Variants in NAXD observed in about 807,000 individuals in gnomAD.
NAXD encodes ATP-dependent (S)-NAD(P)H-hydrate dehydratase.
Under a neutral mutation model 35.8 loss-of-function variants are expected in NAXD, and 22 were observed. The observed-to-expected ratio is 0.62, with a 90% CI of 0.44 to 0.88. The LOEUF is 0.88. Ranked by LOEUF, NAXD falls within the 40% of genes least tolerant of loss-of-function variation. NAXD has a pLI of 0.00. For synonymous variants in NAXD, 189 were observed against 177.6 expected (o/e 1.06, Z -0.51); for missense variants, 428 against 437.7 (o/e 0.98, Z 0.20).
In NAXD at chr13:110,639,835, A is replaced by AT. The variant is rs1019470921; in HGVS notation, c.*1309dup. 2 of 152,266 alleles carry AT rather than the reference A, an allele frequency of 1.3e-5. No individual in the cohort carries two copies. The highest frequency in any genetic ancestry group is 4.8e-5 in the African/African-American group (2 of 41,556). The allele number at this position is 152,266 out of a possible 1,614,324, so 9.4% of individuals were successfully genotyped here. A position where few individuals can be genotyped will look rare whatever the true frequency, so the allele number is the denominator to read the frequency against. ...TTCTTTAAAACTAGGGACTTTCAAG[A>AT]TTAAAAAAAAGATTGTCACTACTAA... On this transcript the variant is annotated 3_prime_UTR_variant, in exon 10 of 10. Transcript: ENST00000680254.
intron 5 of NAXD, among the ~76,000 whole-genome samples, chr13:110,633,630 TATC>T (rs1237605847): frequency 6.6e-6 from 1 of 152,210 alleles, no homozygotes; most frequent in Non-Finnish European, 1.5e-5. Context: ...TGTTTTGTAT[TATC>T]AGGTGTCTGT....
intron 1 of NAXD, among the ~76,000 whole-genome samples, chr13:110,620,578 C>CAAAAAAA: frequency 1.2e-5 from 1 of 84,910 alleles, no homozygotes; most frequent in Non-Finnish European, 2.7e-5. Flanking sequence ...GACTCTGTCT[C>CAAAAAAA]AAAAAAAAAA....
chr13:110,629,166 TA>T (rs11353904), intron 5 of NAXD, among the ~76,000 whole-genome samples: 17,301 of 152,222 alleles, frequency 0.11, 1,369 homozygotes, highest in Admixed American at 0.25. Context: ...TCATCTGGTG[TA>T]GGCCTGAAAA....
chr13:110,628,846 A>G lies in NAXD; in HGVS notation c.441+1299A>G, dbSNP rs1886598815. Reference sequence around the variant, plus strand: ...TGCATCCTGGGGGTGCGGATGAATTAGAGGTGAACGAGCCAGAGTGCTCTG... The same window carrying G: ...TGCATCCTGGGGGTGCGGATGAATTGGAGGTGAACGAGCCAGAGTGCTCTG... On this transcript the variant is annotated intron_variant, in intron 5 of 9. Transcript: ENST00000680254. This position sits in a 1 kb window ranked among gnomAD's most constrained non-coding sequence, Gnocchi z 4.1. 1.3e-5 allele frequency among the ~76,000 whole-genome samples: 2 copies of G among 152,180 alleles called. No individual in the cohort carries two copies. Among genetic ancestry groups the G allele is most frequent in the African/African-American group, 4.8e-5 (2 of 41,426 alleles).
intron 1 of NAXD, among the ~76,000 whole-genome samples, chr13:110,616,767 C>T (rs887458452): frequency 6.6e-6 from 1 of 152,120 alleles, no homozygotes; most frequent in Non-Finnish European, 1.5e-5. Flanking sequence ...AATAGAAGCT[C>T]AGAGAAAGTG....
Position 110,639,748 on chromosome 13 carries a change from G to A in NAXD, c.*1220G>A, listed in dbSNP as rs190780823. 6.6e-6 allele frequency: 1 copy of A among 152,080 alleles called. No homozygotes were observed. The highest frequency in any genetic ancestry group is 1.5e-5 in the Non-Finnish European group (1 of 67,996). 9.4% of individuals were successfully genotyped at this position (152,080 alleles called of 1,614,324 possible). A position where few individuals can be genotyped will look rare whatever the true frequency, so the allele number is the denominator to read the frequency against. On this transcript the variant is annotated 3_prime_UTR_variant, in exon 10 of 10. Coordinates refer to ENST00000680254, the MANE Select transcript of NAXD (RefSeq NM_001242882.2). Reference sequence around the variant, plus strand: ...TCCTGGTTCCCTTCAGAGTCTTTTTGGCCTGATGATGACTCTTGAGTGATA... The same window carrying A: ...TCCTGGTTCCCTTCAGAGTCTTTTTAGCCTGATGATGACTCTTGAGTGATA...
Position 110,624,230 on chromosome 13 carries a change from T to G in NAXD, c.198-4T>G. 6.2e-7 allele frequency: 1 copy of G among 1,600,300 alleles called. No individual in the cohort carries two copies. Among genetic ancestry groups the G allele is most frequent in the Non-Finnish European group, 8.6e-7 (1 of 1,169,040 alleles). ...GTTTTTGACTCTAAATACCTTCTTT[T>G]TAGGTACACTGGAGCCCCATATTTT... is the stretch of plus-strand genomic sequence containing the variant. On this transcript the variant is annotated splice_polypyrimidine_tract_variant and splice_region_variant and intron_variant, in intron 2 of 9. Transcript: ENST00000680254.
chr13:110,629,328 C>T (rs1050801377), intron 5 of NAXD, among the ~76,000 whole-genome samples: 3 of 152,208 alleles, frequency 2.0e-5, no homozygotes, highest in African/African-American at 7.2e-5. Flanking sequence ...GATTTACCTA[C>T]CATACCCCTC....
chr13:110,636,845 C>T (rs1009184378), intron 8 of NAXD, among the ~76,000 whole-genome samples: 15 of 152,328 alleles, frequency 9.8e-5, no homozygotes, highest in African/African-American at 7.2e-5. Flanking sequence ...TCGTCTGAGG[C>T]GGTTCCGAGC....
Position 110,635,475 on chromosome 13 carries a change from G to C in NAXD, c.605G>C (p.Gly202Ala). Reference sequence around the variant, plus strand: ...CTTCCTGTGTTGTCATAGCTCAGAGGCCCTATGGACAGCGATGACAGCCAT... The same window carrying C: ...CTTCCTGTGTTGTCATAGCTCAGAGCCCCTATGGACAGCGATGACAGCCAT... ...FSRLYDAVLR[G>A]PMDSDDSHGS... The change falls in exon 8 of 10, where the codon GGC becomes GCC. Residue 202 changes from glycine to alanine, a missense_variant. By Grantham distance (60) the Gly-to-Ala change is moderately conservative. This residue lies in a region of NAXD where 209 missense variants were observed against 214.6 expected (regional missense o/e 0.97). Transcript: ENST00000680254. 1 of 1,613,942 alleles carries C rather than the reference G, an allele frequency of 6.2e-7. No individual in the cohort carries two copies. The highest frequency in any genetic ancestry group is 8.5e-7 in the Non-Finnish European group (1 of 1,179,890).
intron 9 of NAXD, chr13:110,637,769 C>T (rs1886989388): frequency 4.3e-6 from 2 of 462,522 alleles, no homozygotes; most frequent in East Asian, 1.4e-4. Flanking sequence ...AAGGTGGTGG[C>T]TGCAGGTGCT....
In NAXD at chr13:110,633,632, T is replaced by A. The variant is rs532184366; in HGVS notation, c.442-913T>A. Among the ~76,000 whole-genome samples the A allele has an allele frequency of 2.0e-5, 3 of 152,352 alleles. No homozygotes were observed. The East Asian group carries it at 5.8e-4, about 29-fold the overall frequency. ...TTTTCTATTTTAATGTTTTGTATTA[T>A]CAGGTGTCTGTCAAGTCAGGATCAC... On this transcript the variant is annotated intron_variant, in intron 5 of 9. Transcript: ENST00000680254.
In NAXD at chr13:110,634,791, C is replaced by T. The variant is rs144676556; in HGVS notation, c.597+15C>T. On this transcript the variant is annotated intron_variant, in intron 7 of 9. Coordinates refer to ENST00000680254, the MANE Select transcript of NAXD (RefSeq NM_001242882.2). ...ATGACGCTGTGGTGAGTCAGTGGAC[C>T]CCCTGGAGGGTAGATGCAAGCCCTG... 2.5e-6 allele frequency: 4 copies of T among 1,593,186 alleles called. No individual in the cohort carries two copies. The highest frequency in any genetic ancestry group is 1.7e-5 in the Admixed American group (1 of 59,824).
At chr13:110,627,297 TAATA>T (rs1260017465) in intron 4 of NAXD, 138 bp from the exon 5 acceptor site, 15 of 649,052 alleles carry the variant, frequency 2.3e-5, no homozygotes, top group Admixed American at 5.6e-5. Context: ...ACTGATTAAA[TAATA>T]AATCTAAATT....
Position 110,638,534 on chromosome 13 carries a change from C to T in NAXD, c.*6C>T, listed in dbSNP as rs746146256. On this transcript the variant is annotated 3_prime_UTR_variant, in exon 10 of 10. Coordinates refer to ENST00000680254, the MANE Select transcript of NAXD (RefSeq NM_001242882.2). The surrounding 1 kb of genome is among the most constrained non-coding windows in gnomAD (Gnocchi z 5.4). ...GCAAGCTCTTTGAAACCTGAGCCCG[C>T]GCAGACCAGAAGTAAACAGGCACCT... The T allele has an allele frequency of 2.6e-5, 42 of 1,611,434 alleles. No individual in the cohort carries two copies. Among genetic ancestry groups the T allele is most frequent in the Non-Finnish European group, 3.1e-5 (36 of 1,179,052 alleles).
chr13:110,629,209 C>G (rs1886616411), intron 5 of NAXD, among the ~76,000 whole-genome samples: 1 of 152,150 alleles, frequency 6.6e-6, no homozygotes, highest in African/African-American at 2.4e-5. Flanking sequence ...TATTCATAGC[C>G]CCATTCTTCT....
At position 110,615,726 on chromosome 13, in the gene NAXD, G is replaced by T. The variant is rs1219613892; in HGVS notation, c.46+79G>T. The T allele has an allele frequency of 2.6e-6, 4 of 1,510,898 alleles. No homozygotes were observed. In the Admixed American group the frequency reaches 6.2e-5, roughly 24 times the overall value. 93.6% of individuals were successfully genotyped at this position (1,510,898 alleles called of 1,614,324 possible). A position where few individuals can be genotyped will look rare whatever the true frequency, so the allele number is the denominator to read the frequency against. ...TGCCGTCGCCGGCGCGGTCGTTGTC[G>T]CATTGCTCTCGGCCGCACTCGCGCT... is the stretch of plus-strand genomic sequence containing the variant. On this transcript the variant is annotated intron_variant, in intron 1 of 9. Coordinates refer to ENST00000680254, the MANE Select transcript of NAXD (RefSeq NM_001242882.2).
chr13:110,626,273 T>G (rs1236038667), intron 4 of NAXD, among the ~76,000 whole-genome samples: 1 of 151,784 alleles, frequency 6.6e-6, no homozygotes, highest in Non-Finnish European at 1.5e-5. Flanking sequence ...TGGGTATGTT[T>G]GGAAAGTTTG....
Position 110,615,626 on chromosome 13 carries a change from G to T in NAXD, c.25G>T (p.Ala9Ser). Residue 9 changes from alanine to serine, a missense_variant, in exon 1 of 10, where the codon GCA becomes TCA. Around this residue, in one of 3 missense-constraint regions of NAXD, gnomAD observed 208 missense variants for 193.0 expected, o/e 1.08. Transcript: ENST00000680254. ...GATGGCCCTGGGTCCTCGCTGTGGG[G>T]CAATCCGGGCTTGCAGACGAGGTAA... is the stretch of plus-strand genomic sequence containing the variant. MALGPRCGAIRACRRVLER... is the reference protein window; with the variant it reads MALGPRCGSIRACRRVLER... 1 of 1,478,852 alleles carries T rather than the reference G, an allele frequency of 6.8e-7. No homozygotes were observed. Among genetic ancestry groups the T allele is most frequent in the Non-Finnish European group, 8.9e-7 (1 of 1,119,668 alleles). The allele number at this position is 1,478,852 out of a possible 1,614,324, so 91.6% of individuals were successfully genotyped here.
Sources: allele counts gnomAD v4.1 joint callset (sites outside exome capture counted in the v4.1 genomes callset), GRCh38; gene constraint gnomAD v4.1.1; regional missense constraint gnomAD v4.1.1; non-coding constraint Gnocchi (gnomAD v3.1); transcripts MANE v1.5; gene names NCBI Gene and HGNC (gene_info 2026-07-23, HGNC 2026-07-21).